Variants in RBFOX1 observed in about 807,000 individuals in gnomAD.
The protein encoded by RBFOX1 is RNA binding fox-1 homolog 1, also known as RNA binding protein fox-1 homolog 1.
Under a neutral mutation model 57.7 loss-of-function variants are expected in RBFOX1, and 8 were observed. That is an observed-to-expected ratio of 0.14 (90% confidence interval 0.08 to 0.25). RBFOX1 has a LOEUF of 0.25. RBFOX1 is among the 10% of genes least tolerant of loss of function. The pLI, the probability that RBFOX1 is intolerant of heterozygous loss-of-function variation, is 1.00. For missense variants in RBFOX1, 611 were observed against 548.5 expected, an observed-to-expected ratio of 1.11 and a Z score of -1.14; for synonymous variants, 326 against 222.4, an observed-to-expected ratio of 1.47 and a Z score of -4.15.
chr16:7,074,568 CAG>C lies in RBFOX1; in HGVS notation c.27+22471_27+22472del, dbSNP rs113379818. On this transcript the variant is annotated intron_variant, in intron 4 of 15. Transcript: ENST00000550418. ...TATTGAAAAAAATTGAAAAAAGCCT[CAG>C]TGATTTATGGGAAATATCAAGCATT... 8.4e-3 allele frequency among the ~76,000 whole-genome samples: 1,278 copies of C among 152,140 alleles called. 17 individuals carry two copies. Among genetic ancestry groups the C allele is most frequent in the African/African-American group, 0.027 (1,101 of 41,510 alleles).
chr16:6,494,792 C>A (rs534764167), intron 2 of RBFOX1, among the ~76,000 whole-genome samples: 2 of 152,030 alleles, frequency 1.3e-5, no homozygotes, highest in African/African-American at 2.4e-5. Context: ...CAAACTGATA[C>A]AAGGAAAAAA....
intron 4 of RBFOX1, among the ~76,000 whole-genome samples, chr16:7,359,711 A>G (rs1404517241): frequency 6.6e-6 from 1 of 152,090 alleles, no homozygotes; most frequent in African/African-American, 2.4e-5. Context: ...TGGACCTGGC[A>G]TGGTGGCTTA....
chr16:7,132,558 G>C (rs370871902), intron 4 of RBFOX1, among the ~76,000 whole-genome samples: 1 of 151,354 alleles, frequency 6.6e-6, no homozygotes, highest in Admixed American at 6.6e-5. Context: ...GCATAATGGT[G>C]AGAGGCACAC....
intron 4 of RBFOX1, among the ~76,000 whole-genome samples, chr16:5,958,924 C>G (rs367940591): frequency 6.6e-6 from 1 of 152,172 alleles, no homozygotes; most frequent in African/African-American, 2.4e-5. Flanking sequence ...AGGATAACCT[C>G]CCCATCTCAA....
At chr16:6,002,897 C>G (rs1231946621) in intron 4 of RBFOX1, among the ~76,000 whole-genome samples, 1 of 152,180 alleles carries the variant, frequency 6.6e-6, no homozygotes, top group Non-Finnish European at 1.5e-5. Flanking sequence ...GCACTCTACA[C>G]ATACTTCCAT....
At chr16:6,871,312 A>C (rs1227587575) in intron 3 of RBFOX1, among the ~76,000 whole-genome samples, 1 of 152,068 alleles carries the variant, frequency 6.6e-6, no homozygotes, top group East Asian at 1.9e-4. Context: ...CAACTTCCTG[A>C]GTAGCTGGGA....
intron 1 of RBFOX1, among the ~76,000 whole-genome samples, chr16:6,055,621 C>T (rs762485951): frequency 1.3e-4 from 19 of 142,200 alleles, no homozygotes; most frequent in Non-Finnish European, 2.7e-4. Flanking sequence ...AAAAGGACGA[C>T]GAATTGGACA....
chr16:7,466,261 A>G (rs2060500817), intron 4 of RBFOX1, among the ~76,000 whole-genome samples: 2 of 152,358 alleles, frequency 1.3e-5, no homozygotes, highest in East Asian at 3.9e-4. Flanking sequence ...TTGTACGTAC[A>G]GTTAATGTCA....
intron 3 of RBFOX1, among the ~76,000 whole-genome samples, chr16:5,798,390 A>G (rs1463634846): frequency 6.6e-6 from 1 of 152,152 alleles, no homozygotes; most frequent in Non-Finnish European, 1.5e-5. Context: ...GGCTTTGTTG[A>G]GAAGATGTTT....
chr16:7,532,911 C>A (rs982068413), intron 5 of RBFOX1, among the ~76,000 whole-genome samples: 1 of 152,330 alleles, frequency 6.6e-6, no homozygotes, highest in Admixed American at 6.5e-5. Context: ...ATATTGTTGG[C>A]CTGCTGGCTG....
At chr16:6,955,080 A>AC (rs762800787) in intron 3 of RBFOX1, among the ~76,000 whole-genome samples, 1,891 of 114,078 alleles carry the variant, frequency 0.017, 43 homozygotes, top group African/African-American at 0.05. Flanking sequence ...AAAAAAAAAA[A>AC]CACACAAAAA....
chr16:5,669,370 T>C (rs191076863), intron 3 of RBFOX1, among the ~76,000 whole-genome samples: 52 of 150,760 alleles, frequency 3.4e-4, no homozygotes, highest in African/African-American at 1.3e-3. Context: ...TTCACCTGGG[T>C]CAGAAACCCA....
intron 4 of RBFOX1, among the ~76,000 whole-genome samples, chr16:5,917,382 A>G (rs1317682490): frequency 2.0e-5 from 3 of 152,228 alleles, no homozygotes; most frequent in African/African-American, 4.8e-5. Flanking sequence ...AATCCTCCCA[A>G]CAGCCTAAGA....
intron 3 of RBFOX1, among the ~76,000 whole-genome samples, chr16:6,806,640 G>A (rs755169001): frequency 1.8e-4 from 27 of 151,296 alleles, no homozygotes; most frequent in South Asian, 8.4e-4. Flanking sequence ...TTACCTACAC[G>A]CGGTAACAGA....
chr16:5,595,577 A>G (rs897188848), intron 2 of RBFOX1, among the ~76,000 whole-genome samples: 1 of 152,236 alleles, frequency 6.6e-6, no homozygotes, highest in Non-Finnish European at 1.5e-5. Flanking sequence ...GTACGCCTCA[A>G]GAATTTTCAT....
intron 4 of RBFOX1, among the ~76,000 whole-genome samples, chr16:7,176,875 A>AT (rs1386645710): frequency 1.3e-5 from 2 of 152,236 alleles, no homozygotes; most frequent in African/African-American, 4.8e-5. Context: ...GAAAGCAGGA[A>AT]TGGGGGGAGA....
At chr16:7,385,551 T>G (rs761293451) in intron 4 of RBFOX1, among the ~76,000 whole-genome samples, 1 of 152,274 alleles carries the variant, frequency 6.6e-6, no homozygotes, top group Non-Finnish European at 1.5e-5. Flanking sequence ...GCAGAAGTTC[T>G]AGCAGAAATG....
intron 2 of RBFOX1, among the ~76,000 whole-genome samples, chr16:6,559,925 T>C (rs1177479730): frequency 6.6e-6 from 1 of 152,102 alleles, no homozygotes; most frequent in African/African-American, 2.4e-5. Flanking sequence ...TTAATTGAAC[T>C]CATATTGCAG....
intron 4 of RBFOX1, among the ~76,000 whole-genome samples, chr16:7,297,622 A>G (rs2095924989): frequency 6.6e-6 from 1 of 152,162 alleles, no homozygotes; most frequent in South Asian, 2.1e-4. Context: ...CTAGCCAGGG[A>G]AAGTTACCAC....
Sources: allele counts gnomAD v4.1 joint callset (sites outside exome capture counted in the v4.1 genomes callset), GRCh38; gene constraint gnomAD v4.1.1; transcripts MANE v1.5; gene names NCBI Gene and HGNC (gene_info 2026-07-23, HGNC 2026-07-21).